Variants in RFTN2 observed in about 807,000 individuals in gnomAD.
The protein encoded by RFTN2 is raftlin-2.
RFTN2 carries 34 observed loss-of-function variants against 52.7 expected under a neutral mutation model. That is an observed-to-expected ratio of 0.64 (90% CI 0.49 to 0.86). The LOEUF (loss-of-function observed/expected upper bound fraction) is 0.86. Ranked by LOEUF, RFTN2 falls within the 40% of genes least tolerant of loss-of-function variation. The pLI, the probability that RFTN2 is intolerant of heterozygous loss-of-function variation, is 0.00. For synonymous variants in RFTN2, 203 were observed against 217.7 expected, an observed-to-expected ratio of 0.93 and a Z score of 0.59; for missense variants, 536 against 600.1, an observed-to-expected ratio of 0.89 and a Z score of 1.12.
intron 5 of RFTN2, among the ~76,000 whole-genome samples, chr2:197,618,697 C>G (rs1231820545): frequency 6.6e-6 from 1 of 151,726 alleles, no homozygotes; most frequent in Non-Finnish European, 1.5e-5. Context: ...CTCTGCCCGG[C>G]CGCCCATCGT....
chr2:197,641,536 A>T (rs1306992999), intron 3 of RFTN2, among the ~76,000 whole-genome samples: 4 of 152,220 alleles, frequency 2.6e-5, no homozygotes, highest in Admixed American at 2.6e-4. Flanking sequence ...TTTTTCTATT[A>T]CTAGGAACTT....
At chr2:197,611,660 A>G (rs2088063982) in intron 7 of RFTN2, among the ~76,000 whole-genome samples, 1 of 151,738 alleles carries the variant, frequency 6.6e-6, no homozygotes, top group South Asian at 2.1e-4. Context: ...CTAGCTTTTG[A>G]ATGTGTTTGC....
intron 7 of RFTN2, among the ~76,000 whole-genome samples, chr2:197,604,341 C>T (rs1019247553): frequency 3.3e-5 from 5 of 152,172 alleles, no homozygotes; most frequent in African/African-American, 1.2e-4. Context: ...TAGCCAACAA[C>T]TGGAGACAGC....
At chr2:197,611,665 G>A (rs2088064126) in intron 7 of RFTN2, among the ~76,000 whole-genome samples, 1 of 152,056 alleles carries the variant, frequency 6.6e-6, no homozygotes, top group Admixed American at 6.6e-5. Context: ...TTTTGAATGT[G>A]TTTGCTCTTG....
At chr2:197,588,297 C>T (rs1011435537) in intron 8 of RFTN2, among the ~76,000 whole-genome samples, 2 of 152,168 alleles carry the variant, frequency 1.3e-5, no homozygotes, top group Non-Finnish European at 2.9e-5. Context: ...TGGAGTTTCA[C>T]TCTGTCTTGA....
intron 1 of RFTN2, among the ~76,000 whole-genome samples, chr2:197,657,971 G>C (rs985980935): frequency 1.3e-5 from 2 of 152,078 alleles, no homozygotes; most frequent in African/African-American, 4.8e-5. Flanking sequence ...CTTCAGTTTA[G>C]AGATGTGAAG....
At chr2:197,639,285 C>T (rs1316032451) in intron 3 of RFTN2, among the ~76,000 whole-genome samples, 12 of 141,174 alleles carry the variant, frequency 8.5e-5, no homozygotes, top group African/African-American at 2.9e-4. Flanking sequence ...GAACGTTGGC[C>T]TGCCTTGCTA....
At chr2:197,597,295 A>C (rs899334302) in intron 7 of RFTN2, among the ~76,000 whole-genome samples, 3 of 152,168 alleles carry the variant, frequency 2.0e-5, no homozygotes, top group Non-Finnish European at 4.4e-5. Flanking sequence ...CTTTTATAAA[A>C]TATGTAGTAA....
At position 197,615,928 on chromosome 2, in the gene RFTN2, A is replaced by G; in HGVS notation, c.1102T>C (p.Phe368Leu). Residue 368 changes from phenylalanine to leucine, a missense_variant, in exon 7 of 9, where the codon TTC (phenylalanine) becomes CTC (leucine). Phe to Leu is a conservative substitution (Grantham distance 22, BLOSUM62 0). Transcript: ENST00000295049. The stretch of plus-strand genomic sequence containing the variant: ...AACACGCTTGTCAGAAGCCATCCGA[A>G]TTCAGCCAGAGTGTGCAGCAGAGGG... ...YGPLLHTLAEFGWLLTSVLPT... is the reference protein window; with the variant it reads ...YGPLLHTLAELGWLLTSVLPT... 1 of 1,560,262 alleles carries G rather than the reference A, an allele frequency of 6.4e-7. No individual in the cohort carries two copies. The highest frequency in any genetic ancestry group is 8.7e-7 in the Non-Finnish European group (1 of 1,150,378).
intron 1 of RFTN2, among the ~76,000 whole-genome samples, chr2:197,669,551 A>G (rs2089114185): frequency 6.6e-6 from 1 of 152,136 alleles, no homozygotes. Flanking sequence ...TGGGGAGTGG[A>G]CGGTTTGAGA....
At chr2:197,629,704 T>TTA (rs2088432759) in intron 5 of RFTN2, among the ~76,000 whole-genome samples, 1 of 109,152 alleles carries the variant, frequency 9.2e-6, no homozygotes, top group Non-Finnish European at 1.9e-5. Context: ...ACACACATAT[T>TTA]TATTTTATTT....
chr2:197,642,532 A>G (rs187654811), intron 3 of RFTN2, among the ~76,000 whole-genome samples: 6 of 152,310 alleles, frequency 3.9e-5, no homozygotes, highest in African/African-American at 7.2e-5. Context: ...AAAATATTCT[A>G]TTATATTAAT....
chr2:197,672,641 A>G (rs539547470), intron 1 of RFTN2, among the ~76,000 whole-genome samples: 7 of 152,316 alleles, frequency 4.6e-5, no homozygotes, highest in African/African-American at 1.7e-4. Flanking sequence ...TCCTTAAAAC[A>G]ACTCTGTGAC....
intron 7 of RFTN2, among the ~76,000 whole-genome samples, chr2:197,608,279 T>C (rs1271813407): frequency 1.3e-5 from 2 of 151,882 alleles, no homozygotes; most frequent in East Asian, 3.9e-4. Context: ...CCAATTTCTC[T>C]TGTTATTCAC....
At chr2:197,582,825 AG>A (rs1445666771) in intron 8 of RFTN2, among the ~76,000 whole-genome samples, 1 of 152,200 alleles carries the variant, frequency 6.6e-6, no homozygotes, top group African/African-American at 2.4e-5. Context: ...AGCCATCAAA[AG>A]GTGTCAAATC....
chr2:197,654,807 G>A (rs1428698918), intron 1 of RFTN2, among the ~76,000 whole-genome samples: 1 of 152,144 alleles, frequency 6.6e-6, no homozygotes, highest in African/African-American at 2.4e-5. Flanking sequence ...AGACCAGCCT[G>A]GCCAGCATGG....
At chr2:197,632,334 G>A (rs2088481028) in intron 4 of RFTN2, among the ~76,000 whole-genome samples, 1 of 152,172 alleles carries the variant, frequency 6.6e-6, no homozygotes, top group South Asian at 2.1e-4. Flanking sequence ...TTGAATCATG[G>A]GAGCGGTTTC....
chr2:197,641,320 A>G (rs1219321332), intron 3 of RFTN2, among the ~76,000 whole-genome samples: 1 of 152,196 alleles, frequency 6.6e-6, no homozygotes, highest in East Asian at 1.9e-4. Context: ...AGCTGGTGAA[A>G]CAGCATTTGT....
At chr2:197,671,455 T>C (rs141723411) in intron 1 of RFTN2, among the ~76,000 whole-genome samples, 1 of 152,218 alleles carries the variant, frequency 6.6e-6, no homozygotes, top group Admixed American at 6.5e-5. Flanking sequence ...ATTCACTCAT[T>C]CAACAAAGAA....
Sources: gnomAD v4.1 joint callset for allele counts (sites outside exome capture counted in the v4.1 genomes callset) on GRCh38, gnomAD v4.1.1 for gene constraint, MANE v1.5 for transcripts, NCBI Gene and HGNC (gene_info 2026-07-23, HGNC 2026-07-21) for gene names.